The following SYNE1 variants were observed in gnomAD, a reference collection of about 807,000 sequenced individuals.
The protein encoded by SYNE1 is spectrin repeat containing nuclear envelope protein 1.
A neutral mutation model predicts 1,111.0 loss-of-function variants in SYNE1; 616 were observed. The ratio of observed to expected loss-of-function variants is 0.55; its 90% confidence interval spans 0.52 to 0.59. The LOEUF (loss-of-function observed/expected upper bound fraction) is 0.59, where lower values mean the gene tolerates loss of function less well. Among genes scored for constraint, SYNE1 ranks in the 20% least tolerant of loss-of-function variants. The pLI is 0.00. For missense variants in SYNE1, 10,006 were observed against 10,417.0 expected (o/e 0.96, Z 1.72); for synonymous variants, 3,855 against 3,825.8 (o/e 1.01, Z -0.28).
chr6:152,556,178 A>G (rs1236825279), intron 3 of SYNE1, among the ~76,000 whole-genome samples: 1 of 152,206 alleles, frequency 6.6e-6, no homozygotes, highest in East Asian at 1.9e-4. Flanking sequence ...ACATGCAACA[A>G]AAATATCTGC....
chr6:152,195,709 C>T (rs1344055415), intron 127 of SYNE1, among the ~76,000 whole-genome samples: 1 of 152,194 alleles, frequency 6.6e-6, no homozygotes, highest in Non-Finnish European at 1.5e-5. Context: ...AGGAGAGTTA[C>T]AAGTACCCCT....
intron 30 of SYNE1, among the ~76,000 whole-genome samples, chr6:152,443,424 T>C (rs938403103): frequency 1.3e-5 from 2 of 151,966 alleles, no homozygotes; most frequent in African/African-American, 4.8e-5. Flanking sequence ...ACCACCACGC[T>C]CGGCTAATTT....
chr6:152,448,821 T>G (rs890902000), intron 28 of SYNE1, among the ~76,000 whole-genome samples: 1 of 151,790 alleles, frequency 6.6e-6, no homozygotes, highest in African/African-American at 2.4e-5. Flanking sequence ...CAAACCTGGG[T>G]GACAGAGACC....
At chr6:152,243,017 A>G (rs2086145732) in intron 106 of SYNE1, among the ~76,000 whole-genome samples, 1 of 152,178 alleles carries the variant, frequency 6.6e-6, no homozygotes, top group Non-Finnish European at 1.5e-5. Context: ...TATAAAAAAT[A>G]AGGTTAATAT....
At chr6:152,227,808 G>C (rs1445991281) in intron 115 of SYNE1, among the ~76,000 whole-genome samples, 2 of 151,992 alleles carry the variant, frequency 1.3e-5, no homozygotes, top group African/African-American at 4.8e-5. Flanking sequence ...TATGTTGGTA[G>C]AAGAGCAAAA....
chr6:152,176,770 T>C (rs528328104), intron 129 of SYNE1, among the ~76,000 whole-genome samples: 38 of 152,236 alleles, frequency 2.5e-4, no homozygotes, highest in African/African-American at 8.4e-4. Context: ...AATTTTTATA[T>C]AGAGGTTCTC....
chr6:152,300,520 G>T, intron 93 of SYNE1, 121 bp downstream of exon 93: 1 of 1,376,230 alleles, frequency 7.3e-7, no homozygotes, highest in Non-Finnish European at 1.0e-6. Context: ...ACCTAATAGT[G>T]TGTCCCTGGA....
At chr6:152,627,872 C>A (rs2099689101) in intron 3 of SYNE1, among the ~76,000 whole-genome samples, 1 of 152,030 alleles carries the variant, frequency 6.6e-6, no homozygotes, top group Admixed American at 6.6e-5. Context: ...ACCTATTTGA[C>A]AATAGCATAT....
intron 135 of SYNE1, 141 bp from the exon 136 acceptor site, chr6:152,149,809 G>T: frequency 1.3e-6 from 1 of 742,596 alleles, no homozygotes. Context: ...CACAAGACAA[G>T]AGTCTATTAC....
At chr6:152,364,786 G>T in intron 63 of SYNE1, 61 bp downstream of exon 63, 1 of 1,605,200 alleles carries the variant, frequency 6.2e-7, no homozygotes. Context: ...GGTCTGTTCA[G>T]TAGTATTATA....
intron 78 of SYNE1, among the ~76,000 whole-genome samples, chr6:152,328,384 A>AT (rs67607914): frequency 0.078 from 2,541 of 32,704 alleles, 56 homozygotes; most frequent in African/African-American, 0.22. Flanking sequence ...ATTTTATTTT[A>AT]TTTATTTATT....
chr6:152,533,832 T>A (rs774108751), intron 4 of SYNE1, among the ~76,000 whole-genome samples: 60 of 152,194 alleles, frequency 3.9e-4, no homozygotes, highest in South Asian at 1.0e-3. Flanking sequence ...AACAGCATTT[T>A]AAAATATTTG....
At chr6:152,178,830 T>C (rs542667453) in intron 129 of SYNE1, among the ~76,000 whole-genome samples, 1 of 151,926 alleles carries the variant, frequency 6.6e-6, no homozygotes, top group East Asian at 1.9e-4. Flanking sequence ...TATGTACTAA[T>C]GAGAAGCACA....
At position 152,176,566 on chromosome 6, in the gene SYNE1, T is replaced by C; in HGVS notation, c.23461-6A>G. On this transcript the variant is annotated splice_region_variant and splice_polypyrimidine_tract_variant and intron_variant, in intron 129 of 145. Transcript: ENST00000367255. ...GCAATTTCCTCTTGATAATCCTGTG[T>C]AATAAATAGCAATCACAGAGGTCAG... The C allele has an allele frequency of 6.2e-7, 1 of 1,613,896 alleles. No homozygotes were observed.
chr6:152,412,285 G>A (rs1237451718), intron 42 of SYNE1, among the ~76,000 whole-genome samples: 1 of 152,058 alleles, frequency 6.6e-6, no homozygotes, highest in Non-Finnish European at 1.5e-5. Flanking sequence ...TTAGCTGGGT[G>A]TGGTGGCGGG....
chr6:152,587,305 A>T (rs1448006935), intron 3 of SYNE1, among the ~76,000 whole-genome samples: 1 of 152,098 alleles, frequency 6.6e-6, no homozygotes, highest in African/African-American at 2.4e-5. Flanking sequence ...CTTCCTTATC[A>T]TCTTTTACCA....
At chr6:152,270,387 C>G (rs2093102113) in intron 98 of SYNE1, among the ~76,000 whole-genome samples, 1 of 151,988 alleles carries the variant, frequency 6.6e-6, no homozygotes, top group African/African-American at 2.4e-5. Flanking sequence ...GAAAAAGTAC[C>G]CTTCACTCCC....
intron 60 of SYNE1, 87 bp downstream of exon 60, chr6:152,369,384 C>T: frequency 6.3e-7 from 1 of 1,589,392 alleles, no homozygotes; most frequent in South Asian, 1.1e-5. Flanking sequence ...CAGTCTAACT[C>T]AAGGGTGCTG....
chr6:152,410,772 C>G lies in SYNE1; in HGVS notation c.6231-1063G>C, dbSNP rs370955261. Among the ~76,000 whole-genome samples, 8 of 152,170 alleles carry G rather than the reference C, an allele frequency of 5.3e-5. No individual in the cohort carries two copies. The East Asian group carries it at 1.4e-3, about 26-fold the overall frequency. On this transcript the variant is annotated intron_variant, in intron 42 of 145. Transcript: ENST00000367255. ...AAAGAATAAAATGCCTTTGAGCAAG[C>G]AAGTTTACATCTAGAGATTTTCCAA...
Sources: gnomAD v4.1 joint callset for allele counts (sites outside exome capture counted in the v4.1 genomes callset) on GRCh38, gnomAD v4.1.1 for gene constraint, MANE v1.5 for transcripts, NCBI Gene and HGNC (gene_info 2026-07-23, HGNC 2026-07-21) for gene names.